The following FNBP4 variants were observed in gnomAD, a reference collection of about 807,000 sequenced individuals.
The protein encoded by FNBP4 is formin binding protein 4, also known as formin-binding protein 4.
Under a neutral mutation model 119.3 loss-of-function variants are expected in FNBP4, and 34 were observed. The ratio of observed to expected loss-of-function variants is 0.28; its 90% CI spans 0.22 to 0.38. The LOEUF is 0.38. FNBP4 is among the 10% of genes least tolerant of loss of function. The pLI is 1.00. For synonymous variants in FNBP4, 462 were observed against 430.6 expected (o/e 1.07, Z -0.90); for missense variants, 1,112 against 1,228.9 (o/e 0.90, Z 1.42).
intron 6 of FNBP4, among the ~76,000 whole-genome samples, chr11:47,748,839 G>A (rs753630099): frequency 5.9e-5 from 9 of 151,912 alleles, no homozygotes; most frequent in African/African-American, 2.4e-5. Flanking sequence ...AATAGACGGG[G>A]TTTTACCATG....
chr11:47,729,503 A>T, intron 12 of FNBP4: 11 of 985,246 alleles, frequency 1.1e-5, no homozygotes, highest in Non-Finnish European at 1.3e-5. Context: ...GTAATTTTGC[A>T]CCCCTTCCCC....
chr11:47,739,602 G>A (rs2097578942), intron 8 of FNBP4, among the ~76,000 whole-genome samples: 2 of 152,112 alleles, frequency 1.3e-5, no homozygotes, highest in Admixed American at 6.6e-5. Context: ...TATTTATTGT[G>A]AAACAGGTTA....
At chr11:47,765,579 G>C (rs2097645926) in intron 1 of FNBP4, among the ~76,000 whole-genome samples, 1 of 85,834 alleles carries the variant, frequency 1.2e-5, no homozygotes, top group African/African-American at 5.3e-5. Flanking sequence ...GGGGGGGGGG[G>C]GGGCCACTTG....
At position 47,734,984 on chromosome 11, in the gene FNBP4, C is replaced by G. The variant is rs1053554502; in HGVS notation, c.1582-855G>C. Reference sequence around the variant, plus strand: ...AAGACTCCATCACCCCAACACCCCCCCCCCCAAAAAAAAAGGAAATCTAAA... The same window carrying G: ...AAGACTCCATCACCCCAACACCCCCGCCCCCAAAAAAAAAGGAAATCTAAA... On this transcript the variant is annotated intron_variant, in intron 9 of 16. Coordinates refer to ENST00000263773, the MANE Select transcript of FNBP4 (RefSeq NM_015308.5). Among the ~76,000 whole-genome samples the G allele has an allele frequency of 5.4e-5, 6 of 111,054 alleles. 1 individual carries two copies. The highest frequency in any genetic ancestry group is 1.6e-4 in the African/African-American group (5 of 31,842). 72.9% of individuals were successfully genotyped at this position (111,054 alleles called of 152,430 possible).
intron 10 of FNBP4, among the ~76,000 whole-genome samples, chr11:47,733,355 C>T (rs930392625): frequency 2.7e-5 from 4 of 150,544 alleles, no homozygotes; most frequent in Admixed American, 2.0e-4. Flanking sequence ...TTTTTAGAGA[C>T]GGACTCGGAC....
intron 6 of FNBP4, among the ~76,000 whole-genome samples, chr11:47,749,759 T>G (rs2097598203): frequency 6.6e-6 from 1 of 152,140 alleles, no homozygotes; most frequent in Non-Finnish European, 1.5e-5. Context: ...ACTGACATGA[T>G]GATCAAAGGA....
chr11:47,733,483 G>A (rs2097569989), intron 10 of FNBP4, among the ~76,000 whole-genome samples: 1 of 152,040 alleles, frequency 6.6e-6, no homozygotes, highest in Non-Finnish European at 1.5e-5. Context: ...TTACAGGCAT[G>A]TGCCACCACG....
intron 15 of FNBP4, 139 bp downstream of exon 15, chr11:47,722,837 C>T (rs555218446): frequency 1.2e-5 from 11 of 944,646 alleles, no homozygotes; most frequent in East Asian, 8.1e-5. Context: ...GTGATCTGCC[C>T]GCCTCGGCCT....
In FNBP4 at chr11:47,742,433, G is replaced by A. The variant is rs141351307; in HGVS notation, c.1456+1520C>T. On this transcript the variant is annotated intron_variant, in intron 8 of 16. Transcript: ENST00000263773. ...GTGGAGGTTCCAGTGAGCAGAGATC[G>A]TACCACTGCACTCCAGGCTGGGGGA... is the stretch of plus-strand genomic sequence containing the variant. Among the ~76,000 whole-genome samples, 1,084 of 112,080 alleles carry A rather than the reference G, an allele frequency of 9.7e-3. 17 individuals carry two copies. Among genetic ancestry groups the A allele is most frequent in the African/African-American group, 0.034 (1,001 of 29,310 alleles). 73.5% of individuals were successfully genotyped at this position (112,080 alleles called of 152,430 possible).
At chr11:47,718,859 C>CA (rs1270204231) in intron 16 of FNBP4, among the ~76,000 whole-genome samples, 10 of 150,270 alleles carry the variant, frequency 6.7e-5, no homozygotes, top group African/African-American at 2.4e-4. Flanking sequence ...CTCAGCCTCC[C>CA]AAGCATCTAG....
chr11:47,757,739 C>A (rs1364791446), intron 2 of FNBP4, among the ~76,000 whole-genome samples: 1 of 152,116 alleles, frequency 6.6e-6, no homozygotes, highest in African/African-American at 2.4e-5. Flanking sequence ...AGTGATCTGC[C>A]CACCTCGGCC....
In FNBP4 at chr11:47,767,190, C is replaced by T; in HGVS notation, c.99G>A (p.Pro33=). The T allele has an allele frequency of 6.4e-7, 1 of 1,561,204 alleles. No individual in the cohort carries two copies. Among genetic ancestry groups the T allele is most frequent in the East Asian group, 2.4e-5 (1 of 42,266 alleles). The change falls in exon 1 of 17, where the codon CCG becomes CCA. Residue 33 remains proline, a synonymous_variant. Transcript: ENST00000263773. ...TTGAGTCCGGCTCAGTGTCGGGTTC[C>T]GGCTCCGGGTCCCGGCCCGGCGTGC... ...RGSTPGRDPE[P]EPDTEPDSTA...
chr11:47,747,535 G>A (rs2097592939), intron 6 of FNBP4, among the ~76,000 whole-genome samples: 1 of 152,050 alleles, frequency 6.6e-6, no homozygotes, highest in Non-Finnish European at 1.5e-5. Context: ...TTGAACTCCT[G>A]ACCTCAGGTG....
Position 47,731,360 on chromosome 11 carries a change from G to A in FNBP4, c.2008+14C>T. 6.3e-7 allele frequency: 1 copy of A among 1,594,206 alleles called. No homozygotes were observed. The highest frequency in any genetic ancestry group is 8.5e-7 in the Non-Finnish European group (1 of 1,172,510). ...GTCATTTTGGCTGAATTAGTACAAG[G>A]TAAATTGTCTCACCTGTGGAAGTTT... On this transcript the variant is annotated intron_variant, in intron 12 of 16. Coordinates refer to ENST00000263773, the MANE Select transcript of FNBP4 (RefSeq NM_015308.5).
chr11:47,727,529 A>C (rs1165677379), intron 12 of FNBP4, among the ~76,000 whole-genome samples: 1 of 151,768 alleles, frequency 6.6e-6, no homozygotes, highest in Non-Finnish European at 1.5e-5. Flanking sequence ...GGGATTACAG[A>C]TGTGAGCACC....
At chr11:47,753,247 G>C in intron 3 of FNBP4, 145 bp from the exon 4 acceptor site, 1 of 558,738 alleles carries the variant, frequency 1.8e-6, no homozygotes, top group South Asian at 2.9e-5. Flanking sequence ...GGCTGAGACA[G>C]GTGGATCACT....
intron 16 of FNBP4, among the ~76,000 whole-genome samples, chr11:47,717,825 C>G (rs1264004813): frequency 6.6e-6 from 1 of 151,624 alleles, no homozygotes; most frequent in Non-Finnish European, 1.5e-5. Context: ...CTCGGCTCAC[C>G]GCAACCTCCG....
chr11:47,759,255 A>C (rs1289221096), intron 2 of FNBP4, among the ~76,000 whole-genome samples: 1 of 148,598 alleles, frequency 6.7e-6, no homozygotes, highest in African/African-American at 2.5e-5. Flanking sequence ...CTTCTTGCCC[A>C]GGCTGGAGTG....
At chr11:47,718,997 G>A (rs1357800620) in intron 16 of FNBP4, among the ~76,000 whole-genome samples, 4 of 149,052 alleles carry the variant, frequency 2.7e-5, no homozygotes, top group South Asian at 2.1e-4. Context: ...CCTCCGCCTC[G>A]CGGGTTCAAA....
Sources: gnomAD v4.1 joint callset for allele counts (sites outside exome capture counted in the v4.1 genomes callset) on GRCh38, gnomAD v4.1.1 for gene constraint, MANE v1.5 for transcripts, NCBI Gene and HGNC (gene_info 2026-07-23, HGNC 2026-07-21) for gene names.